ASTN2: variants seen among roughly 807,000 people sequenced by gnomAD.
ASTN2 encodes the protein astrotactin 2.
In ASTN2, 54 loss-of-function variants were observed where a neutral mutation model predicts 139.8. The ratio of observed to expected loss-of-function variants is 0.39; its 90% CI spans 0.31 to 0.48. The LOEUF (loss-of-function observed/expected upper bound fraction) is 0.48, where lower values mean the gene tolerates loss of function less well. Ranked by LOEUF, ASTN2 falls within the 20% of genes least tolerant of loss-of-function variation. The probability of loss-of-function intolerance (pLI) is 0.95; values close to 1 mark genes in which losing one functional copy is unlikely to be tolerated. For synonymous variants in ASTN2, 756 were observed against 719.5 expected (o/e 1.05, Z -0.81); for missense variants, 1,565 against 1,725.1 (o/e 0.91, Z 1.64).
chr9:117,276,255 G>T (rs960905687), intron 2 of ASTN2, among the ~76,000 whole-genome samples: 1 of 152,164 alleles, frequency 6.6e-6, no homozygotes, highest in African/African-American at 2.4e-5. Context: ...GGAAACCAAG[G>T]CTCAGGAGAA....
intron 10 of ASTN2, among the ~76,000 whole-genome samples, chr9:116,942,401 C>T (rs1835266724): frequency 6.6e-6 from 1 of 152,178 alleles, no homozygotes; most frequent in Non-Finnish European, 1.5e-5. Context: ...GGGTTGGTGG[C>T]TTCTCATTCT....
intron 3 of ASTN2, among the ~76,000 whole-genome samples, chr9:117,210,931 A>C (rs1832101213): frequency 6.6e-6 from 1 of 151,062 alleles, no homozygotes; most frequent in South Asian, 2.1e-4. Flanking sequence ...CAATAGAATG[A>C]AGGACAATCA....
intron 5 of ASTN2, among the ~76,000 whole-genome samples, chr9:117,049,283 A>G (rs1008641301): frequency 6.6e-6 from 1 of 152,146 alleles, no homozygotes; most frequent in Admixed American, 6.5e-5. Flanking sequence ...CTATGTTCAC[A>G]AAATTTTGAG....
rs73531040 is a variant in ASTN2 at position 117,145,257 on chromosome 9, A to G, written c.1016-3779T>C. Among the ~76,000 whole-genome samples, 235 of 152,258 alleles carry G rather than the reference A, an allele frequency of 1.5e-3. 2 individuals carry two copies. Among genetic ancestry groups the G allele is most frequent in the African/African-American group, 5.2e-3 (217 of 41,558 alleles). On this transcript the variant is annotated intron_variant, in intron 3 of 22. Transcript: ENST00000313400. ...ACTCAATACCCGCATTCCTTGGAAAAGGTAGACAGTGAATGTGGGTAGTGG... is the reference window on the plus strand; with the variant it reads ...ACTCAATACCCGCATTCCTTGGAAAGGGTAGACAGTGAATGTGGGTAGTGG...
rs1036274208 is a variant in ASTN2 at position 116,703,710 on chromosome 9, A to G, written c.2806+22061T>C. Among the ~76,000 whole-genome samples, 5 of 132,102 alleles carry G rather than the reference A, an allele frequency of 3.8e-5. No individual in the cohort carries two copies. In the East Asian group the frequency reaches 1.1e-3, roughly 29 times the overall value. The allele number at this position is 132,102 out of a possible 152,430, so 86.7% of individuals were successfully genotyped here. On this transcript the variant is annotated intron_variant, in intron 16 of 22. Coordinates refer to ENST00000313400, the MANE Select transcript of ASTN2 (RefSeq NM_001365068.1). ...CCTGCACAATGTGCACATGTACCCT[A>G]AAACTTAAAGTATAATAATAAAAAA...
At chr9:116,614,218 A>G (rs1855714548) in intron 19 of ASTN2, among the ~76,000 whole-genome samples, 1 of 152,184 alleles carries the variant, frequency 6.6e-6, no homozygotes, top group African/African-American at 2.4e-5. Flanking sequence ...CAACAAAATA[A>G]AAGAGGACAC....
intron 6 of ASTN2, 85 bp from the exon 7 acceptor site, chr9:117,008,344 G>A (rs991321536): frequency 2.4e-6 from 3 of 1,259,482 alleles, no homozygotes; most frequent in Non-Finnish European, 3.2e-6. Context: ...GTGTGTACAA[G>A]CCACGTTCCC....
In ASTN2 at chr9:116,526,951, C is replaced by G. The variant is rs139999870; in HGVS notation, c.3356-39451G>C. ...CCAAGAATACACAACAGAGAAAGGA[C>G]AGTGTCTTCAATAAACGGTGCTGGG... On this transcript the variant is annotated intron_variant, in intron 19 of 22. Transcript: ENST00000313400. Among the ~76,000 whole-genome samples, 504 of 152,288 alleles carry G rather than the reference C, an allele frequency of 3.3e-3. 3 individuals are homozygous for G. The highest frequency in any genetic ancestry group is 0.012 in the African/African-American group (482 of 41,554).
chr9:117,304,587 G>A (rs1364040432), intron 1 of ASTN2, among the ~76,000 whole-genome samples: 1 of 152,168 alleles, frequency 6.6e-6, no homozygotes, highest in Non-Finnish European at 1.5e-5. Context: ...ATTTGAGAGT[G>A]AGTGAGTATT....
At chr9:116,650,991 C>T (rs1032250942) in intron 17 of ASTN2, among the ~76,000 whole-genome samples, 10 of 151,748 alleles carry the variant, frequency 6.6e-5, no homozygotes, top group Non-Finnish European at 1.3e-4. Flanking sequence ...TCTCGGCTCA[C>T]TGCAACCTCC....
chr9:117,014,175 A>G (rs1159144152), intron 6 of ASTN2, among the ~76,000 whole-genome samples: 2 of 152,138 alleles, frequency 1.3e-5, no homozygotes, highest in Non-Finnish European at 2.9e-5. Context: ...TGAAGCAGGA[A>G]TGAAGATCAT....
intron 19 of ASTN2, among the ~76,000 whole-genome samples, chr9:116,578,101 G>C (rs1235186350): frequency 1.3e-5 from 2 of 152,166 alleles, no homozygotes; most frequent in East Asian, 1.9e-4. Flanking sequence ...GAACCAGAGA[G>C]GTAATAGGGG....
chr9:116,754,365 A>G (rs1208608209), intron 13 of ASTN2, among the ~76,000 whole-genome samples: 1 of 152,186 alleles, frequency 6.6e-6, no homozygotes, highest in African/African-American at 2.4e-5. Flanking sequence ...TTCTAGTTCT[A>G]GATTGTTGAG....
chr9:116,497,582 C>T (rs1011225154), intron 19 of ASTN2, among the ~76,000 whole-genome samples: 1 of 152,164 alleles, frequency 6.6e-6, no homozygotes, highest in Non-Finnish European at 1.5e-5. Flanking sequence ...TAAAGCCTTC[C>T]TTTTTCTACT....
intron 19 of ASTN2, among the ~76,000 whole-genome samples, chr9:116,512,167 C>T (rs977351836): frequency 1.3e-5 from 2 of 152,210 alleles, no homozygotes; most frequent in Non-Finnish European, 2.9e-5. Flanking sequence ...TCACACACTG[C>T]TTTAAATGTG....
In ASTN2 at chr9:116,461,048, C is replaced by T. The variant is rs144263592; in HGVS notation, c.3498-18495G>A. ...TCTGGCATGTTCCCAATAATGTGCA[C>T]ATCCTCCTCTCTCTGCCTGGAATAA... is the stretch of plus-strand genomic sequence containing the variant. On this transcript the variant is annotated intron_variant, in intron 20 of 22. Transcript: ENST00000313400. Among the ~76,000 whole-genome samples the T allele has an allele frequency of 4.7e-4, 71 of 152,150 alleles. No homozygotes were observed. In the East Asian group the frequency reaches 0.013, roughly 28 times the overall value.
intron 19 of ASTN2, among the ~76,000 whole-genome samples, chr9:116,565,388 C>CTCCATAT (rs1564120372): frequency 2.9e-5 from 1 of 34,020 alleles, no homozygotes; most frequent in Non-Finnish European, 4.8e-5. Flanking sequence ...TCTCTCTCTC[C>CTCCATAT]ATATATATAT....
chr9:116,632,224 A>AGAAAGAAAGAAAGAAAGAAG, intron 17 of ASTN2, among the ~76,000 whole-genome samples: 6 of 136,646 alleles, frequency 4.4e-5, no homozygotes, highest in African/African-American at 8.3e-5. Flanking sequence ...AAAGAAAGAA[A>AGAAAGAAAGAAAGAAAGAAG]GAAAGAAAGA....
At position 117,414,429 on chromosome 9, in the gene ASTN2, A is replaced by C; in HGVS notation, c.442+68T>G. 1.3e-6 allele frequency: 2 copies of C among 1,581,466 alleles called. No individual in the cohort carries two copies. Among genetic ancestry groups the C allele is most frequent in the Non-Finnish European group, 1.7e-6 (2 of 1,163,994 alleles). ...GGGCAGGGATCCCCAGGGCGCCCCC[A>C]CCCGTCCGGCATGACGCAGGGGCTC... On this transcript the variant is annotated intron_variant, in intron 1 of 22. Coordinates refer to ENST00000313400, the MANE Select transcript of ASTN2 (RefSeq NM_001365068.1). This position sits in a 1 kb window ranked among gnomAD's most constrained non-coding sequence, Gnocchi z 4.2.
Sources: gnomAD v4.1 joint callset for allele counts (sites outside exome capture counted in the v4.1 genomes callset) on GRCh38, gnomAD v4.1.1 for gene constraint, Gnocchi (gnomAD v3.1) non-coding constraint, MANE v1.5 for transcripts, NCBI Gene and HGNC (gene_info 2026-07-23, HGNC 2026-07-21) for gene names.